IL1RAPL2: variants seen among roughly 807,000 people sequenced by gnomAD.
The protein encoded by IL1RAPL2 is interleukin 1 receptor accessory protein like 2, also known as X-linked interleukin-1 receptor accessory protein-like 2.
A neutral mutation model predicts 44.1 loss-of-function variants in IL1RAPL2; 3 were observed. The observed-to-expected ratio is 0.07, with a 90% CI of 0.03 to 0.18. The LOEUF (loss-of-function observed/expected upper bound fraction) is 0.18, where lower values mean the gene tolerates loss of function less well. Ranked by LOEUF, IL1RAPL2 falls within the 10% of genes least tolerant of loss-of-function variation. The probability of loss-of-function intolerance (pLI) is 1.00; values close to 1 mark genes in which losing one functional copy is unlikely to be tolerated. For missense variants in IL1RAPL2, 391 were observed against 496.4 expected (o/e 0.79, Z 2.02); for synonymous variants, 181 against 178.8 (o/e 1.01, Z -0.10).
chrX:104,986,168 A>G (rs755611448), intron 2 of IL1RAPL2, among the ~76,000 whole-genome samples: 1 of 111,482 alleles, frequency 9.0e-6, no homozygotes, highest in South Asian at 3.8e-4. Context: ...ATTATATGTG[A>G]TCTTACATTG....
intron 3 of IL1RAPL2, among the ~76,000 whole-genome samples, chrX:105,215,998 C>T (rs782061734): frequency 6.3e-5 from 7 of 111,278 alleles, no homozygotes; most frequent in Admixed American, 1.9e-4. Context: ...AACCCATAAC[C>T]AATATCATAC....
chrX:105,739,890 T>C (rs1286336743), intron 7 of IL1RAPL2, among the ~76,000 whole-genome samples: 16 of 102,695 alleles, frequency 1.6e-4, no homozygotes, highest in Admixed American at 1.5e-3. Context: ...TGTCAAATGG[T>C]ATTTCTAGTT....
intron 2 of IL1RAPL2, among the ~76,000 whole-genome samples, chrX:105,094,469 C>A (rs2032580889): frequency 9.0e-6 from 1 of 110,534 alleles, no homozygotes; most frequent in Admixed American, 9.6e-5. Context: ...AGTGGCACCA[C>A]CCTAGTTGAA....
intron 5 of IL1RAPL2, among the ~76,000 whole-genome samples, chrX:105,305,126 C>T (rs769804732): frequency 9.0e-6 from 1 of 111,637 alleles, no homozygotes; most frequent in Non-Finnish European, 1.9e-5. Context: ...GTTCCAATCA[C>T]CTCCTTCCAG....
intron 2 of IL1RAPL2, among the ~76,000 whole-genome samples, chrX:104,978,347 G>A (rs1014904748): frequency 9.0e-6 from 1 of 111,663 alleles, no homozygotes; most frequent in Non-Finnish European, 1.9e-5. Context: ...ATATTTCTAA[G>A]TTGGTTATGT....
chrX:105,030,632 T>A (rs1408138491), intron 2 of IL1RAPL2, among the ~76,000 whole-genome samples: 1 of 112,124 alleles, frequency 8.9e-6, no homozygotes, highest in Non-Finnish European at 1.9e-5. Flanking sequence ...AGTACCATGC[T>A]TTTTTGGTTA....
At chrX:105,230,022 C>A (rs2034053422) in intron 3 of IL1RAPL2, among the ~76,000 whole-genome samples, 1 of 111,883 alleles carries the variant, frequency 8.9e-6, no homozygotes, top group Admixed American at 9.5e-5. Flanking sequence ...TGGTCTCAAT[C>A]TCCTGACCTC....
At chrX:105,582,636 A>T (rs184080546) in intron 6 of IL1RAPL2, among the ~76,000 whole-genome samples, 38 of 110,026 alleles carry the variant, frequency 3.5e-4, no homozygotes, top group African/African-American at 1.1e-3. Flanking sequence ...TTAGCTGTAG[A>T]TTTTTTATAT....
At chrX:104,964,994 A>G (rs1318128457) in intron 2 of IL1RAPL2, among the ~76,000 whole-genome samples, 1 of 111,043 alleles carries the variant, frequency 9.0e-6, no homozygotes, top group Non-Finnish European at 1.9e-5. Context: ...TACAAAATGC[A>G]TACCTGCTTT....
At chrX:105,406,341 G>A in intron 5 of IL1RAPL2, 1 of 1,069,671 alleles carries the variant, frequency 9.3e-7, no homozygotes, top group Non-Finnish European at 1.3e-6. Context: ...TTGCGTCATG[G>A]ACAGCTCATT....
chrX:104,873,682 G>A (rs1922824465), intron 2 of IL1RAPL2, among the ~76,000 whole-genome samples: 1 of 111,131 alleles, frequency 9.0e-6, no homozygotes, highest in Non-Finnish European at 1.9e-5. Flanking sequence ...TTCCACCCAT[G>A]TTGCATTGGT....
intron 2 of IL1RAPL2, among the ~76,000 whole-genome samples, chrX:104,833,797 G>A (rs922517152): frequency 1.8e-5 from 2 of 112,212 alleles, no homozygotes; most frequent in African/African-American, 6.5e-5. Flanking sequence ...AGTGACTATT[G>A]GGAGAGCCAA....
intron 5 of IL1RAPL2, among the ~76,000 whole-genome samples, chrX:105,385,555 A>G (rs2035470123): frequency 9.0e-6 from 1 of 111,268 alleles, no homozygotes; most frequent in African/African-American, 3.3e-5. Context: ...ATAAATGTAT[A>G]AACTATAGTA....
At chrX:105,590,772 G>A (rs1277650637) in intron 6 of IL1RAPL2, among the ~76,000 whole-genome samples, 3 of 108,796 alleles carry the variant, frequency 2.8e-5, no homozygotes, top group Non-Finnish European at 5.7e-5. Context: ...TGTTGAAAAT[G>A]TTTGCATCTG....
intron 5 of IL1RAPL2, among the ~76,000 whole-genome samples, chrX:105,337,239 G>T (rs222585): frequency 2.7e-5 from 3 of 110,738 alleles, no homozygotes; most frequent in Non-Finnish European, 5.7e-5. Context: ...GCTGGAAAAC[G>T]TGAAATATGT....
At chrX:105,748,895 A>AAT in intron 8 of IL1RAPL2, 65 bp from the exon 9 acceptor site, 1 of 1,084,382 alleles carries the variant, frequency 9.2e-7, no homozygotes, top group Non-Finnish European at 1.3e-6. Flanking sequence ...ATATACTAGA[A>AAT]ATATGGGAAG....
intron 2 of IL1RAPL2, among the ~76,000 whole-genome samples, chrX:105,119,855 A>G (rs1333387944): frequency 9.0e-6 from 1 of 111,242 alleles, no homozygotes; most frequent in Non-Finnish European, 1.9e-5. Context: ...AACAATGACT[A>G]TAGTAATTAA....
Position 105,014,556 on chromosome X carries a change from C to T in IL1RAPL2, c.83-180919C>T, listed in dbSNP as rs185055941. On this transcript the variant is annotated intron_variant, in intron 2 of 10. Coordinates refer to ENST00000372582, the MANE Select transcript of IL1RAPL2 (RefSeq NM_017416.2). ...TTCAACTCCCACTTATGAGTGAGAA[C>T]ATGCAGTGTTTGGTTTTCTGTTCTT... Among the ~76,000 whole-genome samples the T allele has an allele frequency of 4.9e-4, 55 of 111,646 alleles. No homozygotes were observed. The East Asian group carries it at 8.8e-3, about 18-fold the overall frequency.
At chrX:105,454,743 GACCC>G (rs1010352758) in intron 5 of IL1RAPL2, among the ~76,000 whole-genome samples, 3 of 111,511 alleles carry the variant, frequency 2.7e-5, no homozygotes, top group African/African-American at 9.8e-5. Flanking sequence ...GCCAGGGGCT[GACCC>G]ACCCAGTACA....
Sources: allele counts gnomAD v4.1 joint callset (sites outside exome capture counted in the v4.1 genomes callset), GRCh38; gene constraint gnomAD v4.1.1; transcripts MANE v1.5; gene names NCBI Gene and HGNC (gene_info 2026-07-23, HGNC 2026-07-21).